Variants in RIPOR2 observed in about 807,000 individuals in gnomAD.
The protein encoded by RIPOR2 is rho family-interacting cell polarization regulator 2.
A neutral mutation model predicts 114.5 loss-of-function variants in RIPOR2; 39 were observed. The observed-to-expected ratio is 0.34, with a 90% CI of 0.26 to 0.44. The LOEUF is 0.44. RIPOR2 is among the 20% of genes least tolerant of loss of function. The pLI is 1.00. For missense variants in RIPOR2, 1,007 were observed against 1,255.1 expected (o/e 0.80, Z 2.99); for synonymous variants, 445 against 484.4 (o/e 0.92, Z 1.07).
rs751513282 is a variant in RIPOR2 at position 24,865,323 on chromosome 6, C to T, written c.629G>A (p.Arg210Gln). 31 of 1,612,914 alleles carry T rather than the reference C, an allele frequency of 1.9e-5. No individual in the cohort carries two copies. Among genetic ancestry groups the T allele is most frequent in the Non-Finnish European group, 2.5e-5 (29 of 1,179,356 alleles). The change falls in exon 7 of 22, where the codon CGG (arginine) becomes CAG (glutamine). Residue 210 changes from arginine to glutamine, a missense_variant. By Grantham distance (43) the Arg-to-Gln change is conservative (BLOSUM62 1). Transcript: ENST00000643898. ...TACCTCTGTGTACTCCTTGAAGCTC[C>T]GATTGATCTCTGTCAGACTCTCCCG... is the stretch of plus-strand genomic sequence containing the variant. ...AARESLTEIN[R>Q]SFKEYTENMC...
chr6:24,905,817 C>A (rs1176500660), intron 1 of RIPOR2, among the ~76,000 whole-genome samples: 1 of 152,192 alleles, frequency 6.6e-6, no homozygotes, highest in Non-Finnish European at 1.5e-5. Context: ...CTCAGGTACT[C>A]TCCCCACTTT....
intron 1 of RIPOR2, among the ~76,000 whole-genome samples, chr6:24,992,734 A>G (rs1425825173): frequency 6.6e-6 from 1 of 152,216 alleles, no homozygotes; most frequent in Non-Finnish European, 1.5e-5. Flanking sequence ...TTTATACAGA[A>G]CTAAAAAGAG....
intron 17 of RIPOR2, 46 bp downstream of exon 17, chr6:24,830,461 ACT>A: frequency 7.3e-7 from 1 of 1,372,824 alleles, no homozygotes; most frequent in East Asian, 2.8e-5. Context: ...CCCAATGCCC[ACT>A]CTCACACTGA....
chr6:24,878,644 A>T (rs1028213108), intron 1 of RIPOR2, among the ~76,000 whole-genome samples: 14 of 152,244 alleles, frequency 9.2e-5, no homozygotes, highest in African/African-American at 2.4e-4. Flanking sequence ...ATCCCCAGGC[A>T]CTGTTTAATT....
chr6:24,876,993 C>T, intron 1 of RIPOR2: 2 of 985,270 alleles, frequency 2.0e-6, no homozygotes, highest in Non-Finnish European at 2.4e-6. Context: ...GGGGGACAGG[C>T]TAGCAGGAAA....
intron 1 of RIPOR2, among the ~76,000 whole-genome samples, chr6:24,908,641 T>C (rs1769220203): frequency 6.6e-6 from 1 of 152,182 alleles, no homozygotes; most frequent in Non-Finnish European, 1.5e-5. Context: ...CATTTGGCAG[T>C]GATTAGCAGG....
chr6:24,876,120 A>G (rs1581683589), intron 1 of RIPOR2, among the ~76,000 whole-genome samples: 1 of 151,940 alleles, frequency 6.6e-6, no homozygotes. Flanking sequence ...GTGAAACCCC[A>G]TCTCTACTAA....
intron 7 of RIPOR2, among the ~76,000 whole-genome samples, chr6:24,861,983 G>T (rs1764112542): frequency 6.6e-6 from 1 of 152,204 alleles, no homozygotes; most frequent in Non-Finnish European, 1.5e-5. Context: ...ACTTCCTACT[G>T]CAAACCTACA....
At chr6:24,913,007 G>T (rs1416165189) in intron 1 of RIPOR2, among the ~76,000 whole-genome samples, 1 of 152,196 alleles carries the variant, frequency 6.6e-6, no homozygotes, top group Non-Finnish European at 1.5e-5. Flanking sequence ...TGATCACAAA[G>T]ATGAAGCTAG....
chr6:24,973,121 G>A (rs950351995), intron 1 of RIPOR2, among the ~76,000 whole-genome samples: 48 of 152,280 alleles, frequency 3.2e-4, no homozygotes, highest in African/African-American at 1.1e-3. Flanking sequence ...CATTTGATCT[G>A]AATAAACATT....
chr6:24,911,463 G>A (rs965736629), intron 1 of RIPOR2, among the ~76,000 whole-genome samples: 4 of 152,102 alleles, frequency 2.6e-5, no homozygotes, highest in African/African-American at 7.2e-5. Context: ...AAAAAAATGA[G>A]GCGGTGGTGT....
At chr6:24,825,760 C>T (rs1284913823) in intron 18 of RIPOR2, among the ~76,000 whole-genome samples, 2 of 152,016 alleles carry the variant, frequency 1.3e-5, no homozygotes, top group African/African-American at 4.8e-5. Context: ...TACAATCTTC[C>T]TAATATATGT....
chr6:24,973,142 A>C (rs1319676349), intron 1 of RIPOR2, among the ~76,000 whole-genome samples: 1 of 152,228 alleles, frequency 6.6e-6, no homozygotes, highest in Non-Finnish European at 1.5e-5. Context: ...TCTCCAAAAA[A>C]CATATTTAAA....
chr6:24,830,749 T>C (rs967289462), intron 16 of RIPOR2, 79 bp from the exon 17 acceptor site: 4 of 1,419,258 alleles, frequency 2.8e-6, no homozygotes, highest in Non-Finnish European at 3.8e-6. Flanking sequence ...AGAGTCTTGC[T>C]TTGTTACCCA....
chr6:24,884,749 C>T (rs1581706037), intron 1 of RIPOR2, among the ~76,000 whole-genome samples: 1 of 152,260 alleles, frequency 6.6e-6, no homozygotes, highest in East Asian at 1.9e-4. Flanking sequence ...GAAATCAAAG[C>T]TTCATCCAAT....
chr6:24,833,807 G>A (rs1285493968), intron 15 of RIPOR2, among the ~76,000 whole-genome samples: 2 of 151,992 alleles, frequency 1.3e-5, no homozygotes, highest in African/African-American at 4.8e-5. Flanking sequence ...CCACAGAAAG[G>A]ATGAATTGTT....
chr6:24,840,665 A>G, intron 13 of RIPOR2: 1 of 1,533,952 alleles, frequency 6.5e-7, no homozygotes, highest in Non-Finnish European at 8.7e-7. Flanking sequence ...ACAAAAGCAC[A>G]TGGGAAAACG....
chr6:24,857,450 C>T (rs996623855), intron 8 of RIPOR2, among the ~76,000 whole-genome samples: 3 of 152,158 alleles, frequency 2.0e-5, no homozygotes, highest in Non-Finnish European at 4.4e-5. Context: ...GATCTAACAC[C>T]TCCTCCACAG....
intron 13 of RIPOR2, among the ~76,000 whole-genome samples, chr6:24,841,617 ATTTTT>A (rs11336541): frequency 1.6e-5 from 2 of 127,460 alleles, no homozygotes. Flanking sequence ...CAATCACCAT[ATTTTT>A]TTTTTTTTTT....
Sources: allele counts gnomAD v4.1 joint callset (sites outside exome capture counted in the v4.1 genomes callset), GRCh38; gene constraint gnomAD v4.1.1; transcripts MANE v1.5; gene names NCBI Gene and HGNC (gene_info 2026-07-23, HGNC 2026-07-21).